TOM1L2: variants seen among roughly 807,000 people sequenced by gnomAD.
TOM1L2 encodes the protein TOM1-like protein 2.
Under a neutral mutation model 67.9 loss-of-function variants are expected in TOM1L2, and 31 were observed. The observed-to-expected ratio is 0.46, with a 90% CI of 0.34 to 0.62. TOM1L2 has a LOEUF of 0.62. TOM1L2 is among the 20% of genes least tolerant of loss of function. The probability of loss-of-function intolerance (pLI) is 0.01; values close to 1 mark genes in which losing one functional copy is unlikely to be tolerated. For synonymous variants in TOM1L2, 256 were observed against 254.0 expected, an observed-to-expected ratio of 1.01 and a Z score of -0.07; for missense variants, 606 against 663.5, an observed-to-expected ratio of 0.91 and a Z score of 0.95.
At chr17:17,864,212 AT>A (rs371634438) in intron 10 of TOM1L2, among the ~76,000 whole-genome samples, 623 of 137,558 alleles carry the variant, frequency 4.5e-3, no homozygotes, top group Non-Finnish European at 6.4e-3. Flanking sequence ...ATCCAATTTG[AT>A]TTTTTTTTTT....
At chr17:17,869,237 T>TCTCTCC in intron 8 of TOM1L2, 103 bp downstream of exon 8, 1 of 1,556,308 alleles carries the variant, frequency 6.4e-7, no homozygotes, top group Non-Finnish European at 8.6e-7. Context: ...AACTCTAATC[T>TCTCTCC]CTCTCCCTCT....
chr17:17,891,955 C>T lies in TOM1L2; in HGVS notation c.366+1706G>A, dbSNP rs551930285. Reference sequence around the variant, plus strand: ...TTCACTCATTCATTATAAAGAAATACTGAACACCCGCTCTACACATTACAC... The same window carrying T: ...TTCACTCATTCATTATAAAGAAATATTGAACACCCGCTCTACACATTACAC... On this transcript the variant is annotated intron_variant, in intron 4 of 14. Transcript: ENST00000379504. Among the ~76,000 whole-genome samples the T allele has an allele frequency of 2.7e-4, 41 of 152,126 alleles. 2 individuals are homozygous for T. The South Asian group carries it at 8.3e-3, about 31-fold the overall frequency.
chr17:17,882,737 C>T lies in TOM1L2; in HGVS notation c.628G>A (p.Val210Met). Residue 210 changes from valine to methionine, a missense_variant, in exon 6 of 15, where the codon GTG (valine) becomes ATG (methionine). Physicochemically the swap from Val to Met is conservative, Grantham distance 21 (BLOSUM62 1). Coordinates refer to ENST00000379504, the MANE Select transcript of TOM1L2 (RefSeq NM_001082968.2). ...GAATTGGCTGTGATGGGGCCAGTCA[C>T]ACTCAGAGCTGGGGCCTGCGGTGCG... Reference protein sequence around the residue: ...YSAPQAPALSVTGPITANSEQ... With the variant: ...YSAPQAPALSMTGPITANSEQ... The T allele has an allele frequency of 6.2e-7, 1 of 1,614,200 alleles. No individual in the cohort carries two copies. Among genetic ancestry groups the T allele is most frequent in the South Asian group, 1.1e-5 (1 of 91,078 alleles).
chr17:17,882,782 G>T lies in TOM1L2; in HGVS notation c.583C>A (p.Pro195Thr). The T allele has an allele frequency of 6.2e-7, 1 of 1,614,214 alleles. No individual in the cohort carries two copies. Among genetic ancestry groups the T allele is most frequent in the Non-Finnish European group, 8.5e-7 (1 of 1,180,032 alleles). The change falls in exon 6 of 15, where the codon CCG becomes ACG. Residue 195 changes from proline (P) to threonine (T), a missense_variant. Coordinates refer to ENST00000379504, the MANE Select transcript of TOM1L2 (RefSeq NM_001082968.2). ...GGTGCGGAGTAGGGAGCAGGAGGCG[G>T]CGAGGAATAGGAACCAGCACTTGTC... ...QRTSAGSYSS[P>T]PPAPYSAPQA...
chr17:17,900,738 G>A (rs936336956), intron 2 of TOM1L2, among the ~76,000 whole-genome samples: 18 of 152,168 alleles, frequency 1.2e-4, no homozygotes, highest in African/African-American at 2.9e-4. Context: ...TCTGCAGTAC[G>A]GCTGCCATTT....
intron 1 of TOM1L2, among the ~76,000 whole-genome samples, chr17:17,950,586 TGA>T (rs1453473857): frequency 6.6e-6 from 1 of 152,144 alleles, no homozygotes; most frequent in African/African-American, 2.4e-5. Context: ...CCCATTCTAA[TGA>T]GAGTGAGTCT....
intron 3 of TOM1L2, 82 bp downstream of exon 3, chr17:17,898,514 A>AG: frequency 2.1e-6 from 3 of 1,428,146 alleles, no homozygotes; most frequent in Non-Finnish European, 3.0e-6. Flanking sequence ...AAGTGGGCAG[A>AG]GGGAAGGCCC....
chr17:17,938,549 G>A (rs1041159568), intron 1 of TOM1L2, among the ~76,000 whole-genome samples: 11 of 152,140 alleles, frequency 7.2e-5, no homozygotes, highest in Non-Finnish European at 1.3e-4. Context: ...GAGTGACGAC[G>A]TGCTCTGGAA....
At chr17:17,870,674 G>C (rs2037104837) in intron 7 of TOM1L2, among the ~76,000 whole-genome samples, 1 of 152,174 alleles carries the variant, frequency 6.6e-6, no homozygotes, top group South Asian at 2.1e-4. Context: ...AGGAGACACG[G>C]CAATCTCTCT....
intron 1 of TOM1L2, among the ~76,000 whole-genome samples, chr17:17,961,745 G>A (rs1448131863): frequency 3.9e-5 from 6 of 151,982 alleles, no homozygotes; most frequent in East Asian, 3.9e-4. Context: ...GGTGGCAGGC[G>A]CCTGTAGTCC....
At chr17:17,944,184 G>GC (rs994881087) in intron 1 of TOM1L2, among the ~76,000 whole-genome samples, 3 of 152,234 alleles carry the variant, frequency 2.0e-5, no homozygotes, top group Non-Finnish European at 2.9e-5. Flanking sequence ...GGCAGGCAGG[G>GC]GTTGTGCAAG....
intron 7 of TOM1L2, 45 bp from the exon 8 acceptor site, chr17:17,869,518 T>C (rs1568113172): frequency 1.3e-6 from 2 of 1,556,562 alleles, no homozygotes; most frequent in Non-Finnish European, 8.7e-7. Context: ...GGTGTGCTTT[T>C]CGTCACATTC....
chr17:17,855,199 C>T (rs997204160), intron 12 of TOM1L2, among the ~76,000 whole-genome samples: 5 of 152,202 alleles, frequency 3.3e-5, no homozygotes, highest in Non-Finnish European at 7.3e-5. Context: ...GCAGCTCTGC[C>T]TCAGGGATCA....
At chr17:17,884,611 G>A (rs368797073) in intron 5 of TOM1L2, 23 bp downstream of exon 5, 1 of 1,613,632 alleles carries the variant, frequency 6.2e-7, no homozygotes, top group Non-Finnish European at 8.5e-7. Flanking sequence ...GGTCTTTCTA[G>A]AAAGTGCCAG....
At chr17:17,863,774 C>T (rs2036692528) in intron 10 of TOM1L2, among the ~76,000 whole-genome samples, 1 of 151,854 alleles carries the variant, frequency 6.6e-6, no homozygotes, top group Non-Finnish European at 1.5e-5. Flanking sequence ...GTCTCAAACA[C>T]CTGGCCTCAA....
intron 1 of TOM1L2, among the ~76,000 whole-genome samples, chr17:17,950,865 A>T (rs1359817553): frequency 6.6e-6 from 1 of 152,206 alleles, no homozygotes; most frequent in African/African-American, 2.4e-5. Flanking sequence ...AAACTGCAAG[A>T]TCTGGGAAAA....
At chr17:17,882,578 C>G (rs779220243) in intron 6 of TOM1L2, 127 bp downstream of exon 6, 79 of 1,288,132 alleles carry the variant, frequency 6.1e-5, no homozygotes, top group Non-Finnish European at 7.5e-5. Context: ...GGGGATTGAG[C>G]CCTTCCATCT....
chr17:17,888,292 C>G (rs566319510), intron 4 of TOM1L2, among the ~76,000 whole-genome samples: 1 of 152,286 alleles, frequency 6.6e-6, no homozygotes, highest in South Asian at 2.1e-4. Flanking sequence ...GGAAAGAGAT[C>G]AATTCAGATC....
intron 1 of TOM1L2, among the ~76,000 whole-genome samples, chr17:17,943,070 T>C (rs150315008): frequency 6.6e-6 from 1 of 152,318 alleles, no homozygotes; most frequent in East Asian, 1.9e-4. Flanking sequence ...GCCAGATGCT[T>C]AGAAGCTGAG....
Sources: gnomAD v4.1 joint callset for allele counts (sites outside exome capture counted in the v4.1 genomes callset) on GRCh38, gnomAD v4.1.1 for gene constraint, MANE v1.5 for transcripts, NCBI Gene and HGNC (gene_info 2026-07-23, HGNC 2026-07-21) for gene names.